Variants in GCNT1 observed in about 807,000 individuals in gnomAD.
The protein encoded by GCNT1 is glucosaminyl (N-acetyl) transferase 1, also known as beta-1,3-galactosyl-O-glycosyl-glycoprotein beta-1,6-N-acetylglucosaminyltransferase.
A neutral mutation model predicts 26.2 loss-of-function variants in GCNT1; 16 were observed. That is an observed-to-expected ratio of 0.61 (90% confidence interval 0.41 to 0.93). GCNT1 has a LOEUF of 0.93. Ranked by LOEUF, GCNT1 falls within the 40% of genes least tolerant of loss-of-function variation. The pLI is 0.00. For missense variants in GCNT1, 477 were observed against 526.7 expected (o/e 0.91, Z 0.92); for synonymous variants, 183 against 190.8 (o/e 0.96, Z 0.34).
the GCNT1 span, among the ~76,000 whole-genome samples, chr9:76,397,179 G>T: frequency 6.6e-6 from 1 of 152,192 alleles, no homozygotes. Flanking sequence ...CTACTCGGGA[G>T]ACTGGGGCGG....
intron 2 of GCNT1, among the ~76,000 whole-genome samples, chr9:76,475,000 G>A (rs573084210): frequency 1.3e-5 from 2 of 152,270 alleles, no homozygotes; most frequent in Non-Finnish European, 2.9e-5. Context: ...GCAGTGGCAC[G>A]ATCTCGGTTC....
chr9:76,451,948 C>CTTTTTTTTTT (rs747978017), intron 1 of GCNT1, among the ~76,000 whole-genome samples: 35 of 98,326 alleles, frequency 3.6e-4, no homozygotes, highest in African/African-American at 4.5e-4. Context: ...TTCTTTCTTT[C>CTTTTTTTTTT]TTTTTTTTTT....
rs563618813 is a variant in GCNT1 at position 76,459,239 on chromosome 9, G to C, written c.-474G>C. The C allele has an allele frequency of 1.3e-5, 2 of 152,842 alleles. No individual in the cohort carries two copies. The highest frequency in any genetic ancestry group is 6.5e-5 in the Admixed American group (1 of 15,318). The allele number at this position is 152,842 out of a possible 1,614,324, so 9.5% of individuals were successfully genotyped here. A position where few individuals can be genotyped will look rare whatever the true frequency, so the allele number is the denominator to read the frequency against. ...GAGCGCCTAGAGCGCGGCGCGGGGC[G>C]GGAGCTTGGTGGAGCAGGAGCGGCT... is the stretch of plus-strand genomic sequence containing the variant. On this transcript the variant is annotated 5_prime_UTR_variant, in exon 1 of 4. Coordinates refer to ENST00000376730, the MANE Select transcript of GCNT1 (RefSeq NM_001490.5).
chr9:76,496,199 G>A (rs1342346127), intron 2 of GCNT1, among the ~76,000 whole-genome samples: 1 of 152,220 alleles, frequency 6.6e-6, no homozygotes, highest in Non-Finnish European at 1.5e-5. Context: ...CCTCTGCAGA[G>A]ACTACATCTT....
chr9:76,485,941 C>G (rs1039075539), intron 2 of GCNT1, among the ~76,000 whole-genome samples: 1 of 152,098 alleles, frequency 6.6e-6, no homozygotes, highest in South Asian at 2.1e-4. Flanking sequence ...CCATATCGGC[C>G]AGGCTGGCCT....
intron 2 of GCNT1, among the ~76,000 whole-genome samples, chr9:76,473,926 T>C (rs151042260): frequency 6.6e-6 from 1 of 152,180 alleles, no homozygotes; most frequent in African/African-American, 2.4e-5. Context: ...GTGCAAGACC[T>C]TGCCTCTACA....
chr9:76,464,007 T>C (rs1823938360), intron 2 of GCNT1, among the ~76,000 whole-genome samples: 1 of 150,684 alleles, frequency 6.6e-6, no homozygotes, highest in Non-Finnish European at 1.5e-5. Context: ...ACCAGCCAGG[T>C]CAACATAGCG....
At chr9:76,463,879 C>A (rs914262886) in intron 2 of GCNT1, among the ~76,000 whole-genome samples, 4 of 151,938 alleles carry the variant, frequency 2.6e-5, no homozygotes, top group African/African-American at 9.7e-5. Flanking sequence ...TCAGGGAAGA[C>A]CTGCTTAAAA....
At chr9:76,494,325 C>T (rs1168062502) in intron 2 of GCNT1, among the ~76,000 whole-genome samples, 1 of 152,106 alleles carries the variant, frequency 6.6e-6, no homozygotes, top group Non-Finnish European at 1.5e-5. Flanking sequence ...CTGTTAGAGT[C>T]CTAAGCATTC....
chr9:76,480,067 A>G lies in GCNT1; in HGVS notation c.-290+19890A>G, dbSNP rs186598465. Among the ~76,000 whole-genome samples the G allele has an allele frequency of 4.6e-5, 7 of 152,312 alleles. No homozygotes were observed. In the East Asian group the frequency reaches 1.4e-3, roughly 29 times the overall value. On this transcript the variant is annotated intron_variant, in intron 2 of 3. Coordinates refer to ENST00000376730, the MANE Select transcript of GCNT1 (RefSeq NM_001490.5). ...GGAAGGGATCCAGTTTCAGCTTTCT[A>G]CATATGGCTAGCCAGTTTTCCCAGC...
chr9:76,432,092 G>C (rs140667057), intron 1 of GCNT1, among the ~76,000 whole-genome samples: 15 of 152,178 alleles, frequency 9.9e-5, no homozygotes, highest in Admixed American at 6.5e-4. Flanking sequence ...CTGGGCAACA[G>C]AGCAAAATTC....
intron 1 of GCNT1, among the ~76,000 whole-genome samples, chr9:76,453,512 C>T (rs148529669): frequency 6.6e-6 from 1 of 152,130 alleles, no homozygotes; most frequent in Non-Finnish European, 1.5e-5. Context: ...GCCATAATAG[C>T]AGGTACTCAG....
intron 1 of GCNT1, among the ~76,000 whole-genome samples, chr9:76,444,816 A>G (rs1823549384): frequency 1.3e-5 from 2 of 152,158 alleles, no homozygotes; most frequent in South Asian, 4.1e-4. Context: ...AAGGCAAGGA[A>G]CAGGCGACAA....
At position 76,444,608 on chromosome 9, in the gene GCNT1, G is replaced by A. The variant is rs577817998; in HGVS notation, c.-290+2293G>A. Among the ~76,000 whole-genome samples the A allele has an allele frequency of 2.6e-3, 403 of 152,312 alleles. 2 individuals are homozygous for A. Among genetic ancestry groups the A allele is most frequent in the African/African-American group, 9.3e-3 (387 of 41,570 alleles). ...AACCACAGAGCTGAAATGGACAGGG[G>A]CAGTTTCCCTAGAGGCACGGGACTA... On this transcript the variant is annotated intron_variant, in intron 1 of 2. Coordinates refer to the GCNT1 transcript ENST00000442371.
intron 2 of GCNT1, among the ~76,000 whole-genome samples, chr9:76,498,728 G>A (rs1019104600): frequency 4.7e-5 from 7 of 148,176 alleles, no homozygotes; most frequent in East Asian, 3.9e-4. Context: ...AACCAAGATC[G>A]CAGCACTGCA....
chr9:76,501,787 G>A (rs1159882536), intron 3 of GCNT1: 2 of 145,960 alleles, frequency 1.4e-5, no homozygotes. Context: ...ATTAAAACAT[G>A]TCAGGAGGAA....
chr9:76,449,483 A>G (rs960946669), intron 1 of GCNT1, among the ~76,000 whole-genome samples: 1 of 152,194 alleles, frequency 6.6e-6, no homozygotes, highest in African/African-American at 2.4e-5. Flanking sequence ...ACGTTTGCCT[A>G]ATTTCCCTTT....
At chr9:76,471,529 C>G (rs148250337) in intron 2 of GCNT1, among the ~76,000 whole-genome samples, 53 of 152,226 alleles carry the variant, frequency 3.5e-4, no homozygotes, top group African/African-American at 1.3e-3. Context: ...TTTTTCAAGT[C>G]AGAAATAGAC....
At chr9:76,394,777 C>A in the GCNT1 span, among the ~76,000 whole-genome samples, 10 of 152,282 alleles carry the variant, frequency 6.6e-5, no homozygotes, top group African/African-American at 2.4e-4. Flanking sequence ...AATCCGGAAG[C>A]CAAAGTGAGA....
Sources: allele counts gnomAD v4.1 joint callset (sites outside exome capture counted in the v4.1 genomes callset), GRCh38; gene constraint gnomAD v4.1.1; transcripts MANE v1.5; gene names NCBI Gene and HGNC (gene_info 2026-07-23, HGNC 2026-07-21).